Variants in ERI1 observed in about 807,000 individuals in gnomAD.
ERI1 encodes the protein exoribonuclease 1, also known as 3'-5' exoribonuclease 1.
A neutral mutation model predicts 39.7 loss-of-function variants in ERI1; 39 were observed. The observed-to-expected ratio is 0.98, with a 90% CI of 0.76 to 1.28. The LOEUF is 1.28. Ranked by LOEUF, ERI1 falls within the 50% of genes most tolerant of loss-of-function variation. The probability of loss-of-function intolerance (pLI) is 0.00; values close to 1 mark genes in which losing one functional copy is unlikely to be tolerated. For missense variants in ERI1, 581 were observed against 416.9 expected, an observed-to-expected ratio of 1.39 and a Z score of -3.43; for synonymous variants, 204 against 149.6, an observed-to-expected ratio of 1.36 and a Z score of -2.65.
intron 3 of ERI1, among the ~76,000 whole-genome samples, chr8:9,078,344 G>C (rs538242003): frequency 1.3e-5 from 2 of 148,286 alleles, no homozygotes; most frequent in Admixed American, 1.3e-4. Context: ...TTTTTTTTTA[G>C]CTCATACAGT....
At position 9,016,351 on chromosome 8, in the gene ERI1, A is replaced by G. The variant is rs1373477448; in HGVS notation, c.528A>G (p.Pro176=). The change falls in exon 4 of 7, where the codon CCA becomes CCG. Residue 176 remains proline (P), a synonymous_variant. Coordinates refer to ENST00000250263, the MANE Select transcript of ERI1 (RefSeq NM_153332.4). ...ACACGTTTCAGCAGTATGTAAGACC[A>G]GAGATTAACACACAGCTGTCTGATT... ...IEDTFQQYVR[P]EINTQLSDFC... The G allele has an allele frequency of 6.2e-7, 1 of 1,607,168 alleles. No homozygotes were observed.
chr8:9,089,881 T>C (rs1390146342), intron 3 of ERI1, among the ~76,000 whole-genome samples: 1 of 150,168 alleles, frequency 6.7e-6, no homozygotes, highest in African/African-American at 2.5e-5. Context: ...GGAAATAAGA[T>C]TGGGAGGAGG....
intron 3 of ERI1, among the ~76,000 whole-genome samples, chr8:9,059,410 G>C (rs1479732952): frequency 1.3e-5 from 2 of 152,054 alleles, no homozygotes; most frequent in Non-Finnish European, 2.9e-5. Flanking sequence ...GAGATAACGG[G>C]CGATGTTTCT....
chr8:9,045,679 T>C (rs1451716607), intron 3 of ERI1, among the ~76,000 whole-genome samples: 2 of 137,342 alleles, frequency 1.5e-5, no homozygotes, highest in Non-Finnish European at 3.0e-5. Flanking sequence ...CTATAGAATT[T>C]TTTTTTTTTT....
intron 3 of ERI1, among the ~76,000 whole-genome samples, chr8:9,069,635 G>T (rs908681329): frequency 6.6e-6 from 1 of 152,154 alleles, no homozygotes; most frequent in African/African-American, 2.4e-5. Context: ...TCTAATGCTT[G>T]CCACCTAAGT....
intron 3 of ERI1, among the ~76,000 whole-genome samples, chr8:9,090,190 T>C (rs1295258589): frequency 6.6e-6 from 1 of 152,014 alleles, no homozygotes; most frequent in Non-Finnish European, 1.5e-5. Flanking sequence ...TTGACCCAAT[T>C]ATGCAGAAAC....
intron 3 of ERI1, among the ~76,000 whole-genome samples, chr8:9,041,816 C>T (rs774818647): frequency 6.6e-6 from 1 of 152,170 alleles, no homozygotes; most frequent in Non-Finnish European, 1.5e-5. Context: ...CTGACTTCAA[C>T]CTCTGCCTCC....
chr8:9,078,077 C>T (rs1478714651), intron 3 of ERI1, among the ~76,000 whole-genome samples: 5 of 152,112 alleles, frequency 3.3e-5, no homozygotes, highest in Admixed American at 3.3e-4. Flanking sequence ...GCAACCTCCA[C>T]CTCCTGGGTT....
At chr8:9,063,081 G>A (rs1462761190) in intron 3 of ERI1, among the ~76,000 whole-genome samples, 1 of 152,210 alleles carries the variant, frequency 6.6e-6, no homozygotes, top group Non-Finnish European at 1.5e-5. Flanking sequence ...TGAAGGCCAG[G>A]TTAATTAAGT....
chr8:9,069,659 G>A (rs756443712), intron 3 of ERI1, among the ~76,000 whole-genome samples: 10 of 152,106 alleles, frequency 6.6e-5, no homozygotes, highest in East Asian at 1.9e-4. Context: ...AAGATCATTC[G>A]TATCTCAGCA....
chr8:9,086,523 C>G (rs1487434982), intron 3 of ERI1, among the ~76,000 whole-genome samples: 1 of 152,206 alleles, frequency 6.6e-6, no homozygotes, highest in East Asian at 1.9e-4. Flanking sequence ...TCACTCCAGC[C>G]TGGGTCACAG....
At chr8:9,050,333 C>A (rs537601739) in intron 3 of ERI1, among the ~76,000 whole-genome samples, 20 of 152,146 alleles carry the variant, frequency 1.3e-4, no homozygotes, top group African/African-American at 4.6e-4. Context: ...CATGGTGAAA[C>A]CCCATCTCTA....
intron 6 of ERI1, among the ~76,000 whole-genome samples, chr8:9,029,359 C>G (rs117406082): frequency 1.8e-4 from 28 of 152,196 alleles, no homozygotes; most frequent in Non-Finnish European, 2.9e-4. Flanking sequence ...GATGGAGTCT[C>G]GCTCTGTTGT....
chr8:9,074,998 C>T (rs1377984013), intron 3 of ERI1, among the ~76,000 whole-genome samples: 1 of 152,118 alleles, frequency 6.6e-6, no homozygotes, highest in Non-Finnish European at 1.5e-5. Context: ...ACTTGCATTC[C>T]TCTGGTCCCG....
chr8:9,007,854 C>T (rs1198131678), intron 1 of ERI1, 116 bp from the exon 2 acceptor site: 16 of 1,416,248 alleles, frequency 1.1e-5, no homozygotes, highest in South Asian at 1.1e-4. Flanking sequence ...TTTCATTGAA[C>T]ATGTAGCATG....
intron 3 of ERI1, among the ~76,000 whole-genome samples, chr8:9,038,650 G>A (rs1042618332): frequency 2.0e-5 from 3 of 152,142 alleles, no homozygotes; most frequent in African/African-American, 7.2e-5. Flanking sequence ...CCATCTACTT[G>A]GGGGGCTGAC....
intron 3 of ERI1, among the ~76,000 whole-genome samples, chr8:9,065,933 C>G (rs1370261857): frequency 1.3e-5 from 2 of 152,068 alleles, no homozygotes; most frequent in East Asian, 1.9e-4. Flanking sequence ...CTGGGCCTCT[C>G]TCTCCAAGGT....
intron 6 of ERI1, among the ~76,000 whole-genome samples, chr8:9,026,821 A>G (rs60276006): frequency 1.1e-3 from 161 of 152,164 alleles, no homozygotes; most frequent in African/African-American, 3.8e-3. Context: ...TTCTGTCCCA[A>G]GCATTTCAGA....
At chr8:9,081,521 C>T (rs1180884044) in intron 3 of ERI1, among the ~76,000 whole-genome samples, 1 of 152,076 alleles carries the variant, frequency 6.6e-6, no homozygotes, top group African/African-American at 2.4e-5. Context: ...CATTTTCTCT[C>T]CGGCCATCCT....
Sources: allele counts gnomAD v4.1 joint callset (sites outside exome capture counted in the v4.1 genomes callset), GRCh38; gene constraint gnomAD v4.1.1; transcripts MANE v1.5; gene names NCBI Gene and HGNC (gene_info 2026-07-23, HGNC 2026-07-21).